KALRN: variants seen among roughly 807,000 people sequenced by gnomAD.
KALRN encodes the protein kalirin.
Under a neutral mutation model 353.7 loss-of-function variants are expected in KALRN, and 70 were observed. The ratio of observed to expected loss-of-function variants is 0.20; its 90% CI spans 0.16 to 0.24. The LOEUF (loss-of-function observed/expected upper bound fraction) is 0.24, where lower values mean the gene tolerates loss of function less well. Ranked by LOEUF, KALRN falls within the 10% of genes least tolerant of loss-of-function variation. The pLI, the probability that KALRN is intolerant of heterozygous loss-of-function variation, is 1.00. For missense variants in KALRN, 2,791 were observed against 3,756.7 expected, an observed-to-expected ratio of 0.74 and a Z score of 6.72; for synonymous variants, 1,391 against 1,434.8, an observed-to-expected ratio of 0.97 and a Z score of 0.69.
rs60579271 is a variant in KALRN at position 124,181,076 on chromosome 3, C to CAAAAAAAAAAA, written c.74-46899_74-46889dup. Among the ~76,000 whole-genome samples, 136 of 55,270 alleles carry CAAAAAAAAAAA rather than the reference C, an allele frequency of 2.5e-3. 4 individuals carry two copies. Among genetic ancestry groups the CAAAAAAAAAAA allele is most frequent in the African/African-American group, 8.7e-3 (117 of 13,388 alleles). The allele number at this position is 55,270 out of a possible 152,430, so 36.3% of individuals were successfully genotyped here. A position where few individuals can be genotyped will look rare whatever the true frequency, so the allele number is the denominator to read the frequency against. ...CAAAACCCCATCTCTACTAAAAATA[C>CAAAAAAAAAAA]AAAAAAAAAAAAAAAAAAAAAAAAA... On this transcript the variant is annotated intron_variant, in intron 1 of 59. Transcript: ENST00000682506.
intron 33 of KALRN, among the ~76,000 whole-genome samples, chr3:124,524,430 A>G (rs895973809): frequency 1.3e-5 from 2 of 152,230 alleles, no homozygotes; most frequent in African/African-American, 2.4e-5. Context: ...TGTGTGGACC[A>G]TGGAAACTGA....
intron 1 of KALRN, among the ~76,000 whole-genome samples, chr3:124,194,332 C>T (rs560647959): frequency 2.0e-4 from 31 of 152,186 alleles, no homozygotes; most frequent in African/African-American, 7.2e-4. Context: ...CTGGAGGAGA[C>T]GGAAGGAACT....
At chr3:124,416,278 T>A (rs1193661400) in intron 14 of KALRN, among the ~76,000 whole-genome samples, 1 of 152,174 alleles carries the variant, frequency 6.6e-6, no homozygotes, top group Non-Finnish European at 1.5e-5. Context: ...GAGCCAAGTA[T>A]CCATAGTAAC....
intron 1 of KALRN, among the ~76,000 whole-genome samples, chr3:124,054,833 A>G (rs776951215): frequency 6.6e-6 from 1 of 152,158 alleles, no homozygotes; most frequent in Non-Finnish European, 1.5e-5. Flanking sequence ...TGGAAGTCCT[A>G]ATTAACATTG....
chr3:124,129,619 G>T (rs1257871818), intron 1 of KALRN, among the ~76,000 whole-genome samples: 1 of 152,184 alleles, frequency 6.6e-6, no homozygotes, highest in African/African-American at 2.4e-5. Flanking sequence ...GATGGGTGGA[G>T]GTTGGATAAA....
intron 9 of KALRN, among the ~76,000 whole-genome samples, chr3:124,335,928 T>G (rs957781717): frequency 2.0e-5 from 3 of 152,220 alleles, no homozygotes; most frequent in African/African-American, 7.2e-5. Context: ...GAGAGCCAAC[T>G]GTACATGTCT....
chr3:124,190,117 G>A (rs1421019719), intron 1 of KALRN, among the ~76,000 whole-genome samples: 1 of 152,142 alleles, frequency 6.6e-6, no homozygotes, highest in South Asian at 2.1e-4. Context: ...ACTTACTGCA[G>A]GAAGCAACTC....
intron 3 of KALRN, among the ~76,000 whole-genome samples, chr3:124,254,525 T>C (rs1031937370): frequency 3.3e-5 from 5 of 152,074 alleles, no homozygotes; most frequent in African/African-American, 1.2e-4. Context: ...TCCTTGTGAC[T>C]GTAAGCAACT....
chr3:124,630,072 G>A (rs2149804684), intron 34 of KALRN, among the ~76,000 whole-genome samples: 1 of 152,216 alleles, frequency 6.6e-6, no homozygotes, highest in East Asian at 1.9e-4. Context: ...CATCTGAAGT[G>A]GACTTAAAGG....
intron 33 of KALRN, among the ~76,000 whole-genome samples, chr3:124,554,087 G>A (rs750124967): frequency 6.6e-6 from 1 of 152,256 alleles, no homozygotes; most frequent in Non-Finnish European, 1.5e-5. Flanking sequence ...CAGGCACCGT[G>A]GCTTACGCCT....
chr3:124,359,371 C>T (rs2083768007), intron 10 of KALRN, among the ~76,000 whole-genome samples: 1 of 152,210 alleles, frequency 6.6e-6, no homozygotes, highest in Non-Finnish European at 1.5e-5. Flanking sequence ...TTGGCCCAGA[C>T]CAGATAGTTA....
intron 25 of KALRN, among the ~76,000 whole-genome samples, chr3:124,473,284 A>G (rs2061117296): frequency 6.6e-6 from 1 of 152,196 alleles, no homozygotes; most frequent in Non-Finnish European, 1.5e-5. Context: ...TGGTACAGGT[A>G]AGTAGTAGAG....
intron 52 of KALRN, 52 bp downstream of exon 52, chr3:124,693,883 A>T (rs1208599010): frequency 7.5e-7 from 1 of 1,333,416 alleles, no homozygotes; most frequent in East Asian, 2.3e-5. Flanking sequence ...TAAATAAATT[A>T]TAGTTAATCC....
intron 1 of KALRN, among the ~76,000 whole-genome samples, chr3:124,212,042 G>C (rs958894599): frequency 6.6e-6 from 1 of 152,062 alleles, no homozygotes; most frequent in African/African-American, 2.4e-5. Flanking sequence ...ATGAGGCAAG[G>C]CATGGGCATT....
chr3:124,634,033 A>T (rs1309445033), intron 36 of KALRN, 80 bp downstream of exon 36: 8 of 998,394 alleles, frequency 8.0e-6, no homozygotes, highest in Non-Finnish European at 9.3e-6. Context: ...GGGGGTAGTC[A>T]TACTCTTTCT....
intron 6 of KALRN, among the ~76,000 whole-genome samples, chr3:124,309,187 T>G (rs1186353160): frequency 6.6e-6 from 1 of 152,018 alleles, no homozygotes; most frequent in Non-Finnish European, 1.5e-5. Context: ...CAGGCCCAGA[T>G]GGCTTCATCA....
At chr3:124,287,786 T>G (rs2076056100) in intron 5 of KALRN, among the ~76,000 whole-genome samples, 2 of 10,832 alleles carry the variant, frequency 1.8e-4, no homozygotes, top group African/African-American at 2.3e-4. Flanking sequence ...TATATATATA[T>G]ATATATATAT....
In KALRN at chr3:124,643,520, C is replaced by T. The variant is rs115864081; in HGVS notation, c.5664+6217C>T. ...TTTTTGACACAGGGTCTCACTCTGT[C>T]GCCCAGACTGGAGTGCAGTGGCTTG... is the stretch of plus-strand genomic sequence containing the variant. On this transcript the variant is annotated intron_variant, in intron 37 of 59. Coordinates refer to ENST00000682506, the MANE Select transcript of KALRN (RefSeq NM_001388419.1). Among the ~76,000 whole-genome samples the T allele has an allele frequency of 7.6e-3, 1,158 of 152,186 alleles. 13 individuals carry two copies. Among genetic ancestry groups the T allele is most frequent in the African/African-American group, 0.025 (1,019 of 41,512 alleles).
chr3:124,383,746 G>A (rs1014401322), intron 10 of KALRN, among the ~76,000 whole-genome samples: 1 of 152,106 alleles, frequency 6.6e-6, no homozygotes, highest in Non-Finnish European at 1.5e-5. Flanking sequence ...GAATTTGAGT[G>A]GGGGGCACAG....
Sources: gnomAD v4.1 joint callset for allele counts (sites outside exome capture counted in the v4.1 genomes callset) on GRCh38, gnomAD v4.1.1 for gene constraint, MANE v1.5 for transcripts, NCBI Gene and HGNC (gene_info 2026-07-23, HGNC 2026-07-21) for gene names.